Variants in SDK1 observed in about 807,000 individuals in gnomAD.
SDK1 encodes protein sidekick-1.
SDK1 carries 157 observed loss-of-function variants against 245.5 expected under a neutral mutation model. The ratio of observed to expected loss-of-function variants is 0.64; its 90% confidence interval spans 0.56 to 0.73. The LOEUF (loss-of-function observed/expected upper bound fraction) is 0.73. Among genes scored for constraint, SDK1 ranks in the 30% least tolerant of loss-of-function variants. The pLI, the probability that SDK1 is intolerant of heterozygous loss-of-function variation, is 0.00. For missense variants in SDK1, 3,583 were observed against 3,002.3 expected (o/e 1.19, Z -4.52); for synonymous variants, 1,647 against 1,278.5 (o/e 1.29, Z -6.15).
At chr7:3,878,063 C>T (rs1010137518) in intron 5 of SDK1, among the ~76,000 whole-genome samples, 14 of 152,218 alleles carry the variant, frequency 9.2e-5, no homozygotes, top group African/African-American at 3.4e-4. Context: ...TACATACTCC[C>T]ATTAAAGCAT....
At chr7:4,253,290 CTG>C (rs1324059636) in intron 44 of SDK1, among the ~76,000 whole-genome samples, 4 of 152,078 alleles carry the variant, frequency 2.6e-5, no homozygotes, top group Non-Finnish European at 5.9e-5. Context: ...CCTCTAAGCA[CTG>C]TGTTAGCTGA....
At chr7:3,498,904 C>T (rs1395239197) in intron 1 of SDK1, among the ~76,000 whole-genome samples, 2 of 152,106 alleles carry the variant, frequency 1.3e-5, no homozygotes, top group Non-Finnish European at 2.9e-5. Flanking sequence ...TTAGGGGACC[C>T]AGTGGGCATA....
At chr7:3,559,131 C>T (rs1356985702) in intron 1 of SDK1, among the ~76,000 whole-genome samples, 1 of 152,112 alleles carries the variant, frequency 6.6e-6, no homozygotes, top group Non-Finnish European at 1.5e-5. Context: ...GTGTGTAAGT[C>T]AGATGCTGAA....
chr7:4,082,208 C>T (rs1584062534), intron 22 of SDK1, among the ~76,000 whole-genome samples: 1 of 152,046 alleles, frequency 6.6e-6, no homozygotes, highest in South Asian at 2.1e-4. Flanking sequence ...TGTGTATACA[C>T]CAGTCGTCTG....
intron 35 of SDK1, among the ~76,000 whole-genome samples, chr7:4,184,545 G>C (rs1315867256): frequency 6.6e-6 from 1 of 152,246 alleles, no homozygotes; most frequent in African/African-American, 2.4e-5. Flanking sequence ...GAGTCGGTTT[G>C]TCTGGCCTCA....
intron 9 of SDK1, 30 bp from the exon 10 acceptor site, chr7:3,967,288 C>A (rs1238511538): frequency 6.4e-7 from 1 of 1,554,192 alleles, no homozygotes; most frequent in East Asian, 2.2e-5. Context: ...GGAACAAGGC[C>A]CTGATCATTT....
intron 22 of SDK1, among the ~76,000 whole-genome samples, chr7:4,081,321 T>C (rs1234271023): frequency 6.6e-6 from 1 of 152,170 alleles, no homozygotes; most frequent in Non-Finnish European, 1.5e-5. Flanking sequence ...GAGTGTTGCA[T>C]TTCAGCTCAT....
At chr7:3,392,760 G>C (rs76567996) in intron 1 of SDK1, among the ~76,000 whole-genome samples, 6,351 of 151,900 alleles carry the variant, frequency 0.042, 422 homozygotes, top group African/African-American at 0.14. Context: ...ATGTTTTCAA[G>C]ATTCATTCAT....
intron 5 of SDK1, among the ~76,000 whole-genome samples, chr7:3,837,138 A>T (rs1382532349): frequency 6.6e-6 from 1 of 152,196 alleles, no homozygotes; most frequent in Non-Finnish European, 1.5e-5. Flanking sequence ...GCTTTAACAT[A>T]GTAATTTTTT....
At chr7:3,540,359 A>G (rs145867160) in intron 1 of SDK1, among the ~76,000 whole-genome samples, 490 of 152,330 alleles carry the variant, frequency 3.2e-3, no homozygotes, top group African/African-American at 0.011. Context: ...GTGGGCCGAA[A>G]TTGCCCCACT....
intron 22 of SDK1, among the ~76,000 whole-genome samples, chr7:4,102,809 G>A (rs186143190): frequency 8.5e-5 from 13 of 152,250 alleles, no homozygotes; most frequent in Admixed American, 3.3e-4. Context: ...CGTGGCGGGC[G>A]GCAGCATCCC....
rs898133509 is a variant in SDK1, at chr7:4,026,001, G to A, written c.2602+8649G>A. On this transcript the variant is annotated intron_variant, in intron 17 of 44. Coordinates refer to ENST00000404826, the MANE Select transcript of SDK1 (RefSeq NM_152744.4). The surrounding 1 kb of genome is among the most constrained non-coding windows in gnomAD (Gnocchi z 4.1). ...TCCCCTGCTGGAAATGCTGAATCCG[G>A]GACTGCAGCCCAGAAGGCGCATGGG... 6.6e-6 allele frequency among the ~76,000 whole-genome samples: 1 copy of A among 152,168 alleles called. No homozygotes were observed. Among genetic ancestry groups the A allele is most frequent in the Non-Finnish European group, 1.5e-5 (1 of 68,038 alleles).
At chr7:3,808,332 G>A (rs947104171) in intron 4 of SDK1, among the ~76,000 whole-genome samples, 4 of 152,140 alleles carry the variant, frequency 2.6e-5, no homozygotes, top group Non-Finnish European at 4.4e-5. Flanking sequence ...GCAGATGGAG[G>A]GTCGGTCCCT....
At chr7:3,507,174 C>A (rs1782420867) in intron 1 of SDK1, among the ~76,000 whole-genome samples, 1 of 152,134 alleles carries the variant, frequency 6.6e-6, no homozygotes, top group Non-Finnish European at 1.5e-5. Context: ...CTAATGTCTT[C>A]AACACTGTGT....
At chr7:4,006,677 C>CA (rs1489681441) in intron 14 of SDK1, among the ~76,000 whole-genome samples, 1 of 152,196 alleles carries the variant, frequency 6.6e-6, no homozygotes, top group Non-Finnish European at 1.5e-5. Context: ...ATCTCTCTTC[C>CA]AGCCAGACCT....
intron 38 of SDK1, among the ~76,000 whole-genome samples, chr7:4,217,520 C>T (rs183748164): frequency 0.02 from 1,473 of 75,290 alleles, 190 homozygotes; most frequent in African/African-American, 0.033. Flanking sequence ...CCACACCACC[C>T]GGAGCACCAC....
chr7:3,782,417 G>A (rs77295289), intron 4 of SDK1, among the ~76,000 whole-genome samples: 5,413 of 152,242 alleles, frequency 0.036, 116 homozygotes, highest in Non-Finnish European at 0.046. Context: ...ACAGTTTACC[G>A]TGAGATTGAG....
intron 4 of SDK1, among the ~76,000 whole-genome samples, chr7:3,754,065 A>G (rs1166605262): frequency 6.6e-6 from 1 of 152,204 alleles, no homozygotes; most frequent in East Asian, 1.9e-4. Context: ...CCATATGGAA[A>G]TTGGTTGTAA....
chr7:3,541,410 C>A (rs547663191), intron 1 of SDK1, among the ~76,000 whole-genome samples: 1 of 152,168 alleles, frequency 6.6e-6, no homozygotes, highest in South Asian at 2.1e-4. Context: ...GACTTCCATG[C>A]CTCTATGCCT....
Sources: allele counts gnomAD v4.1 joint callset (sites outside exome capture counted in the v4.1 genomes callset), GRCh38; gene constraint gnomAD v4.1.1; non-coding constraint Gnocchi (gnomAD v3.1); transcripts MANE v1.5; gene names NCBI Gene and HGNC (gene_info 2026-07-23, HGNC 2026-07-21).